Variants in ASS1 observed in about 807,000 individuals in gnomAD.
ASS1 encodes argininosuccinate synthase.
Under a neutral mutation model 60.5 loss-of-function variants are expected in ASS1, and 58 were observed. That is an observed-to-expected ratio of 0.96 (90% CI 0.78 to 1.19). The LOEUF is 1.19. Ranked by LOEUF, ASS1 falls within the 50% of genes most tolerant of loss-of-function variation. The pLI, the probability that ASS1 is intolerant of heterozygous loss-of-function variation, is 0.00. For missense variants in ASS1, 454 were observed against 547.3 expected, an observed-to-expected ratio of 0.83 and a Z score of 1.70; for synonymous variants, 200 against 206.9, an observed-to-expected ratio of 0.97 and a Z score of 0.29.
At chr9:130,492,150 G>A (rs1021493740) in intron 12 of ASS1, among the ~76,000 whole-genome samples, 9 of 152,148 alleles carry the variant, frequency 5.9e-5, no homozygotes, top group Admixed American at 3.3e-4. Context: ...AACTGCGAGC[G>A]CCCGGCGTGG....
rs1846525952 is a variant in ASS1, at chr9:130,494,192, A to G, written c.971-675A>G. ...CTGCTTATCTATGCAGAAATATTCT[A>G]TCTGCCCAGGAAAACAGCAGCAGGT... is the stretch of plus-strand genomic sequence containing the variant. On this transcript the variant is annotated intron_variant, in intron 12 of 14. Coordinates refer to ENST00000352480, the MANE Select transcript of ASS1 (RefSeq NM_054012.4). This position sits in a 1 kb window ranked among gnomAD's most constrained non-coding sequence, Gnocchi z 4.3. Among the ~76,000 whole-genome samples, 2 of 152,224 alleles carry G rather than the reference A, an allele frequency of 1.3e-5. No homozygotes were observed. The highest frequency in any genetic ancestry group is 3.9e-4 in the East Asian group (2 of 5,194).
At chr9:130,458,634 G>A (rs1190816038) in intron 4 of ASS1, 45 bp downstream of exon 4, 1 of 1,594,736 alleles carries the variant, frequency 6.3e-7, no homozygotes, top group Middle Eastern at 2.1e-4. Flanking sequence ...TGGAGGCGGA[G>A]GGGTGTGGGA....
intron 3 of ASS1, among the ~76,000 whole-genome samples, chr9:130,456,841 A>G (rs887853746): frequency 1.3e-5 from 2 of 151,640 alleles, no homozygotes; most frequent in African/African-American, 2.4e-5. Flanking sequence ...CAGGAGAATC[A>G]CTTGAACCCG....
At position 130,476,438 on chromosome 9, in the gene ASS1, A is replaced by G. The variant is rs1216345757; in HGVS notation, c.598-433A>G. 3 of 219,242 alleles carry G rather than the reference A, an allele frequency of 1.4e-5. No individual in the cohort carries two copies. The highest frequency in any genetic ancestry group is 1.8e-5 in the Non-Finnish European group (2 of 110,358). The allele number at this position is 219,242 out of a possible 1,614,324, so 13.6% of individuals were successfully genotyped here. A position where few individuals can be genotyped will look rare whatever the true frequency, so the allele number is the denominator to read the frequency against. On this transcript the variant is annotated intron_variant, in intron 8 of 14. Transcript: ENST00000352480. The surrounding 1 kb of genome is among the most constrained non-coding windows in gnomAD (Gnocchi z 4.9). Reference sequence around the variant, plus strand: ...TGGGGACGGCTCGGCTTGCCAGAGCACCTGCTGGGGTCACAGGCAGTCATT... The same window carrying G: ...TGGGGACGGCTCGGCTTGCCAGAGCGCCTGCTGGGGTCACAGGCAGTCATT...
Position 130,471,481 on chromosome 9 carries a change from G to A in ASS1, c.567-4G>A, listed in dbSNP as rs754758285. 91 of 1,613,936 alleles carry A rather than the reference G, an allele frequency of 5.6e-5. No individual in the cohort carries two copies. Among genetic ancestry groups the A allele is most frequent in the Middle Eastern group, 3.3e-4 (2 of 6,082 alleles). On this transcript the variant is annotated splice_region_variant and splice_polypyrimidine_tract_variant and intron_variant, in intron 7 of 14. Coordinates refer to ENST00000352480, the MANE Select transcript of ASS1 (RefSeq NM_054012.4). Reference sequence around the variant, plus strand: ...TGACCCTGTCTTTCCTTTCCCCTCCGCAGCTACGAGGCTGGAATCCTGGAG... The same window carrying A: ...TGACCCTGTCTTTCCTTTCCCCTCCACAGCTACGAGGCTGGAATCCTGGAG...
intron 1 of ASS1, among the ~76,000 whole-genome samples, chr9:130,449,211 G>C (rs890733326): frequency 6.6e-6 from 1 of 152,070 alleles, no homozygotes; most frequent in Non-Finnish European, 1.5e-5. Flanking sequence ...TGTGCCTGTA[G>C]TCCCAGCTAC....
intron 4 of ASS1, among the ~76,000 whole-genome samples, chr9:130,461,651 A>G (rs1053113492): frequency 5.3e-5 from 8 of 152,188 alleles, no homozygotes; most frequent in African/African-American, 1.9e-4. Flanking sequence ...TTATGACAGT[A>G]CCCAGGAAAC....
intron 11 of ASS1, among the ~76,000 whole-genome samples, chr9:130,485,485 GCT>G (rs1564158614): frequency 6.6e-6 from 1 of 152,174 alleles, no homozygotes; most frequent in Non-Finnish European, 1.5e-5. Context: ...CTGGTGCCCA[GCT>G]CCAGCCCTGC....
intron 13 of ASS1, among the ~76,000 whole-genome samples, chr9:130,495,668 T>G (rs1220219306): frequency 6.6e-6 from 1 of 151,952 alleles, no homozygotes; most frequent in African/African-American, 2.4e-5. Context: ...TCTGTGCATT[T>G]AGAGGGTCCT....
intron 1 of ASS1, among the ~76,000 whole-genome samples, chr9:130,445,822 C>G (rs1292087519): frequency 6.6e-6 from 1 of 152,096 alleles, no homozygotes; most frequent in Non-Finnish European, 1.5e-5. Flanking sequence ...GTGGAGAGTC[C>G]ACTCCCGAGC....
chr9:130,496,700 G>A (rs1056813418), intron 13 of ASS1, among the ~76,000 whole-genome samples: 1 of 152,080 alleles, frequency 6.6e-6, no homozygotes, highest in African/African-American at 2.4e-5. Context: ...AGGGGCAGGA[G>A]GGCCCTGGTG....
intron 5 of ASS1, among the ~76,000 whole-genome samples, chr9:130,466,179 C>T (rs1564907368): frequency 6.6e-6 from 1 of 152,216 alleles, no homozygotes; most frequent in African/African-American, 2.4e-5. Flanking sequence ...GTCGGGGGCT[C>T]TTTTTACCAG....
rs761760769 is a variant in ASS1, at chr9:130,489,504, C to T, written c.970+40C>T. 2 of 1,613,774 alleles carry T rather than the reference C, an allele frequency of 1.2e-6. No individual in the cohort carries two copies. The highest frequency in any genetic ancestry group is 1.7e-6 in the Non-Finnish European group (2 of 1,179,870). ...ATGGCTGCCCCCTCTAACCGCCTCA[C>T]AAGGGATCCCAAAGTACTATCAGGC... On this transcript the variant is annotated intron_variant, in intron 12 of 14. Coordinates refer to ENST00000352480, the MANE Select transcript of ASS1 (RefSeq NM_054012.4). The surrounding 1 kb of genome is among the most constrained non-coding windows in gnomAD (Gnocchi z 4.1).
At position 130,471,397 on chromosome 9, in the gene ASS1, C is replaced by T. The variant is rs1027513159; in HGVS notation, c.567-88C>T. On this transcript the variant is annotated intron_variant, in intron 7 of 14. Coordinates refer to ENST00000352480, the MANE Select transcript of ASS1 (RefSeq NM_054012.4). ...CAGAGAGTAAAAGGCAGACCAGGCT[C>T]ATGGGCACAATGGGGTGTGTGTGTT... The T allele has an allele frequency of 1.0e-5, 16 of 1,524,906 alleles. No individual in the cohort carries two copies. The African/African-American group carries it at 1.6e-4, about 16-fold the overall frequency. The allele number at this position is 1,524,906 out of a possible 1,614,324, so 94.5% of individuals were successfully genotyped here. A position where few individuals can be genotyped will look rare whatever the true frequency, so the allele number is the denominator to read the frequency against.
At chr9:130,497,098 C>T in intron 13 of ASS1, among the ~76,000 whole-genome samples, 1 of 152,374 alleles carries the variant, frequency 6.6e-6, no homozygotes, top group South Asian at 2.1e-4. Flanking sequence ...ATTATCTTCT[C>T]TCTTTCTCTC....
chr9:130,460,664 G>C (rs1183743742), intron 4 of ASS1, among the ~76,000 whole-genome samples: 1 of 152,172 alleles, frequency 6.6e-6, no homozygotes, highest in African/African-American at 2.4e-5. Flanking sequence ...CTATTGCTGT[G>C]GGGGAGGCAA....
chr9:130,497,276 C>T (rs1846628712), intron 13 of ASS1, among the ~76,000 whole-genome samples: 1 of 152,174 alleles, frequency 6.6e-6, no homozygotes, highest in South Asian at 2.1e-4. Context: ...TGTCTCCGAC[C>T]ATTTCCCTTT....
At chr9:130,479,871 C>A in intron 10 of ASS1, 71 bp downstream of exon 10, 1 of 1,485,824 alleles carries the variant, frequency 6.7e-7, no homozygotes, top group Non-Finnish European at 9.4e-7. Context: ...TGGACCGTTG[C>A]AGCTAATGGT....
chr9:130,474,420 A>G (rs1845962657), intron 8 of ASS1, among the ~76,000 whole-genome samples: 1 of 152,070 alleles, frequency 6.6e-6, no homozygotes, highest in Non-Finnish European at 1.5e-5. Context: ...GCGGGAGAGA[A>G]AGTGACAAGC....
Sources: allele counts gnomAD v4.1 joint callset (sites outside exome capture counted in the v4.1 genomes callset), GRCh38; gene constraint gnomAD v4.1.1; non-coding constraint Gnocchi (gnomAD v3.1); transcripts MANE v1.5; gene names NCBI Gene and HGNC (gene_info 2026-07-23, HGNC 2026-07-21).